The following PIGK variants were observed in gnomAD, a reference collection of about 807,000 sequenced individuals.
PIGK encodes the protein GPI-anchor transamidase.
A neutral mutation model predicts 50.6 loss-of-function variants in PIGK; 42 were observed. The observed-to-expected ratio is 0.83, with a 90% CI of 0.65 to 1.07. The LOEUF (loss-of-function observed/expected upper bound fraction) is 1.07, where lower values mean the gene tolerates loss of function less well. PIGK is among the 50% of genes least tolerant of loss of function. The pLI is 0.00. For synonymous variants in PIGK, 151 were observed against 156.0 expected (o/e 0.97, Z 0.24); for missense variants, 448 against 488.7 (o/e 0.92, Z 0.78).
intron 5 of PIGK, among the ~76,000 whole-genome samples, chr1:77,166,251 T>C (rs1655230632): frequency 6.6e-6 from 1 of 152,126 alleles, no homozygotes; most frequent in South Asian, 2.1e-4. Flanking sequence ...ATATCCACAA[T>C]GCAATTTCAT....
intron 9 of PIGK, 32 bp from the exon 10 acceptor site, chr1:77,122,391 A>T: frequency 8.8e-7 from 1 of 1,137,784 alleles, no homozygotes; most frequent in Non-Finnish European, 1.3e-6. Flanking sequence ...CACAGAGCTA[A>T]GGCAAATACT....
Position 77,161,629 on chromosome 1 carries a change from G to C in PIGK, c.667C>G (p.Leu223Val), listed in dbSNP as rs369037070. The C allele has an allele frequency of 1.2e-5, 19 of 1,565,958 alleles. No individual in the cohort carries two copies. Among genetic ancestry groups the C allele is most frequent in the Non-Finnish European group, 1.5e-5 (17 of 1,136,380 alleles). ...TCTTCTCCCACTTGACTACTAGCTA[G>C]AGCCATTATGTTAGGAGAATAAAAT... ...ERFYSPNIMALASSQVGEDSL... is the reference protein window; with the variant it reads ...ERFYSPNIMAVASSQVGEDSL... Residue 223 changes from leucine (L) to valine (V), a missense_variant, in exon 7 of 11, where the codon CTA (leucine) becomes GTA (valine). Physicochemically the swap from Leu to Val is conservative, Grantham distance 32 (BLOSUM62 1). Coordinates refer to ENST00000370812, the MANE Select transcript of PIGK (RefSeq NM_005482.3).
intron 3 of PIGK, among the ~76,000 whole-genome samples, chr1:77,183,243 G>A (rs779778110): frequency 4.6e-5 from 7 of 152,190 alleles, no homozygotes; most frequent in African/African-American, 7.2e-5. Context: ...TGGGGTCACT[G>A]AGTTTGTAAA....
rs768411624 is a variant in PIGK, at chr1:77,219,342, A to G, written c.61T>C (p.Ser21Pro). 8.7e-6 allele frequency: 14 copies of G among 1,613,714 alleles called. No homozygotes were observed. Among genetic ancestry groups the G allele is most frequent in the Non-Finnish European group, 1.1e-5 (13 of 1,179,810 alleles). ...TGACTAGCGGCCACGCTGCCGAAGG[A>G]CAAGAGCAACACAGTTGCCAAGACA... ...ATVLATVLLLSFGSVAASHIE... is the reference protein window; with the variant it reads ...ATVLATVLLLPFGSVAASHIE... The change falls in exon 1 of 11, where the codon TCC becomes CCC. Residue 21 changes from serine (S) to proline (P), a missense_variant. By Grantham distance (74) the Ser-to-Pro change is moderately conservative. Coordinates refer to ENST00000370812, the MANE Select transcript of PIGK (RefSeq NM_005482.3).
At chr1:77,159,273 C>T (rs549544043) in intron 8 of PIGK, among the ~76,000 whole-genome samples, 74 of 152,226 alleles carry the variant, frequency 4.9e-4, no homozygotes, top group African/African-American at 1.7e-3. Context: ...GTTTAAGAAC[C>T]TCCACCTAGA....
intron 5 of PIGK, among the ~76,000 whole-genome samples, chr1:77,164,903 T>C (rs1279506063): frequency 6.6e-6 from 1 of 152,188 alleles, no homozygotes; most frequent in Non-Finnish European, 1.5e-5. Context: ...ATTATTATCA[T>C]ATTATCATAA....
chr1:77,126,383 G>A (rs1570202527), intron 9 of PIGK, among the ~76,000 whole-genome samples: 2 of 151,032 alleles, frequency 1.3e-5, no homozygotes, highest in Admixed American at 6.6e-5. Context: ...GAGGGTGAAC[G>A]GAGGTAAGCT....
At chr1:77,185,828 G>A (rs570792605) in intron 3 of PIGK, among the ~76,000 whole-genome samples, 22 of 152,340 alleles carry the variant, frequency 1.4e-4, no homozygotes, top group Middle Eastern at 3.4e-3. Flanking sequence ...GAACCACAGC[G>A]GAGGCCTCTA....
In PIGK at chr1:77,206,772, G is replaced by A. The variant is rs745499151; in HGVS notation, c.148-41C>T. 31 of 1,133,160 alleles carry A rather than the reference G, an allele frequency of 2.7e-5. No individual in the cohort carries two copies. The African/African-American group carries it at 4.1e-4, about 15-fold the overall frequency. The allele number at this position is 1,133,160 out of a possible 1,614,324, so 70.2% of individuals were successfully genotyped here. ...AAAAACAGAATTTTTATGCATCAAG[G>A]CTAACCATGGAGCTGCAGAGTATTT... On this transcript the variant is annotated intron_variant, in intron 2 of 10. Coordinates refer to ENST00000370812, the MANE Select transcript of PIGK (RefSeq NM_005482.3).
chr1:77,100,689 G>C lies in PIGK; in HGVS notation c.1072-8199C>G, dbSNP rs530673769. Among the ~76,000 whole-genome samples the C allele has an allele frequency of 8.5e-4, 129 of 152,218 alleles. 1 individual carries two copies. Among genetic ancestry groups the C allele is most frequent in the African/African-American group, 3.1e-3 (127 of 41,526 alleles). On this transcript the variant is annotated intron_variant, in intron 10 of 10. Coordinates refer to ENST00000370812, the MANE Select transcript of PIGK (RefSeq NM_005482.3). ...GGGAAATAAGGCACTGATCTAATCAGATGGGCCCTTTAAAAGGAGGTCTAG... is the reference window on the plus strand; with the variant it reads ...GGGAAATAAGGCACTGATCTAATCACATGGGCCCTTTAAAAGGAGGTCTAG...
intron 3 of PIGK, among the ~76,000 whole-genome samples, chr1:77,170,024 A>G (rs1183729917): frequency 6.6e-6 from 1 of 152,186 alleles, no homozygotes. Flanking sequence ...TCTTCTGGCT[A>G]GATGCTGGAA....
At chr1:77,107,920 T>C (rs1313313752) in intron 10 of PIGK, among the ~76,000 whole-genome samples, 5 of 152,044 alleles carry the variant, frequency 3.3e-5, no homozygotes, top group African/African-American at 9.7e-5. Context: ...ATCCCTGCCT[T>C]TTTTTGTTTT....
At chr1:77,105,198 C>A (rs1182784992) in intron 10 of PIGK, among the ~76,000 whole-genome samples, 3 of 152,104 alleles carry the variant, frequency 2.0e-5, no homozygotes, top group Admixed American at 2.0e-4. Flanking sequence ...GTTATCTCTT[C>A]TTAAGTTCAG....
At chr1:77,149,910 A>T (rs1396911477) in intron 9 of PIGK, among the ~76,000 whole-genome samples, 2 of 145,672 alleles carry the variant, frequency 1.4e-5, no homozygotes, top group South Asian at 2.1e-4. Context: ...TTCTGACTAT[A>T]AAAAAAAAAC....
intron 3 of PIGK, among the ~76,000 whole-genome samples, chr1:77,174,647 T>C (rs969196361): frequency 2.6e-5 from 4 of 152,164 alleles, no homozygotes; most frequent in African/African-American, 4.8e-5. Flanking sequence ...CTAGAAGTTA[T>C]GGAAATGTCC....
chr1:77,123,494 T>C (rs1296597793), intron 9 of PIGK, among the ~76,000 whole-genome samples: 2 of 152,002 alleles, frequency 1.3e-5, no homozygotes, highest in Non-Finnish European at 2.9e-5. Flanking sequence ...TTTGTGGATA[T>C]CTTGCAGAAT....
intron 3 of PIGK, among the ~76,000 whole-genome samples, chr1:77,196,411 C>A (rs143371184): frequency 6.6e-6 from 1 of 152,060 alleles, no homozygotes; most frequent in Non-Finnish European, 1.5e-5. Context: ...TACTTTCCAC[C>A]GTAACTGAAC....
chr1:77,189,255 T>G (rs1280168930), intron 3 of PIGK, among the ~76,000 whole-genome samples: 1 of 152,188 alleles, frequency 6.6e-6, no homozygotes, highest in East Asian at 1.9e-4. Flanking sequence ...CTTATTATTG[T>G]CTTTATTTGA....
rs949464890 is a variant in PIGK, at chr1:77,122,198, A to G, written c.1071+77T>C. The G allele has an allele frequency of 3.2e-6, 3 of 951,286 alleles. No homozygotes were observed. In the African/African-American group the frequency reaches 4.9e-5, roughly 15 times the overall value. 58.9% of individuals were successfully genotyped at this position (951,286 alleles called of 1,614,324 possible). On this transcript the variant is annotated intron_variant, in intron 10 of 10. Coordinates refer to ENST00000370812, the MANE Select transcript of PIGK (RefSeq NM_005482.3). The stretch of plus-strand genomic sequence containing the variant: ...TTTCAGCTATAGCACATTGATTCTG[A>G]AAAACCTAACAAAAGCAATTACTTC...
Sources: allele counts gnomAD v4.1 joint callset (sites outside exome capture counted in the v4.1 genomes callset), GRCh38; gene constraint gnomAD v4.1.1; transcripts MANE v1.5; gene names NCBI Gene and HGNC (gene_info 2026-07-23, HGNC 2026-07-21).